WWP2: variants seen among roughly 807,000 people sequenced by gnomAD.
WWP2 encodes the protein WW domain containing E3 ubiquitin protein ligase 2, also known as NEDD4-like E3 ubiquitin-protein ligase WWP2.
Under a neutral mutation model 121.0 loss-of-function variants are expected in WWP2, and 57 were observed. The observed-to-expected ratio is 0.47, with a 90% confidence interval of 0.38 to 0.59. The LOEUF (loss-of-function observed/expected upper bound fraction) is 0.59, where lower values mean the gene tolerates loss of function less well. Among genes scored for constraint, WWP2 ranks in the 20% least tolerant of loss-of-function variants. The pLI is 0.00. For synonymous variants in WWP2, 449 were observed against 441.3 expected, an observed-to-expected ratio of 1.02 and a Z score of -0.22; for missense variants, 962 against 1,158.9, an observed-to-expected ratio of 0.83 and a Z score of 2.47.
In WWP2 at chr16:69,941,630, CTG is replaced by C. The variant is rs1352788757; in HGVS notation, c.*1692_*1693del. ...GCGTACGTGTATATAACTGAAGTGTCTGTACGGAATGCCCTTTGCTAGCCATG... is the reference window on the plus strand; with the variant it reads ...GCGTACGTGTATATAACTGAAGTGTCTACGGAATGCCCTTTGCTAGCCATG... On this transcript the variant is annotated 3_prime_UTR_variant, in exon 24 of 24. Coordinates refer to ENST00000359154, the MANE Select transcript of WWP2 (RefSeq NM_001270454.2). 1 of 153,760 alleles carries C rather than the reference CTG, an allele frequency of 6.5e-6. No homozygotes were observed. The highest frequency in any genetic ancestry group is 1.5e-5 in the Non-Finnish European group (1 of 68,056). 9.5% of individuals were successfully genotyped at this position (153,760 alleles called of 1,614,324 possible). A position where few individuals can be genotyped will look rare whatever the true frequency, so the allele number is the denominator to read the frequency against.
intron 4 of WWP2, among the ~76,000 whole-genome samples, chr16:69,832,020 G>T (rs895309976): frequency 2.0e-5 from 3 of 151,844 alleles, no homozygotes; most frequent in African/African-American, 7.3e-5. Context: ...ATAGAGGCAG[G>T]GTTTCACCAT....
intron 6 of WWP2, among the ~76,000 whole-genome samples, chr16:69,856,596 G>A (rs1342286958): frequency 6.6e-6 from 1 of 152,128 alleles, no homozygotes; most frequent in Non-Finnish European, 1.5e-5. Flanking sequence ...CCAACATGGT[G>A]AAACCACATC....
chr16:69,937,604 C>T lies in WWP2; in HGVS notation c.2295C>T (p.Ile765=), dbSNP rs767693357. Reference sequence around the variant, plus strand: ...TGAGCGACTGGCAGAAGAGCACCATCTACCGGCACTACACCAAGAACAGCA... The same window carrying T: ...TGAGCGACTGGCAGAAGAGCACCATTTACCGGCACTACACCAAGAACAGCA... The part of the protein sequence containing the change: ...IDMSDWQKST[I]YRHYTKNSKQ... Residue 765 remains isoleucine (I), a synonymous_variant, in exon 21 of 24, where the codon ATC becomes ATT. Coordinates refer to ENST00000359154, the MANE Select transcript of WWP2 (RefSeq NM_001270454.2). This position sits in a 1 kb window ranked among gnomAD's most constrained non-coding sequence, Gnocchi z 6.6. The T allele has an allele frequency of 3.7e-6, 6 of 1,614,030 alleles. No homozygotes were observed. The highest frequency in any genetic ancestry group is 4.2e-6 in the Non-Finnish European group (5 of 1,180,020).
In WWP2 at chr16:69,855,240, T is replaced by C. The variant is rs148390994; in HGVS notation, c.575+13120T>C. ...CATGTACTGGGTTTCATGAAGTTTTTCTTCACCCTTAACTTATTGAAAATA... is the reference window on the plus strand; with the variant it reads ...CATGTACTGGGTTTCATGAAGTTTTCCTTCACCCTTAACTTATTGAAAATA... On this transcript the variant is annotated intron_variant, in intron 6 of 23. Transcript: ENST00000359154. Among the ~76,000 whole-genome samples the C allele has an allele frequency of 2.6e-3, 391 of 152,378 alleles. 2 individuals are homozygous for C. The highest frequency in any genetic ancestry group is 8.9e-3 in the African/African-American group (369 of 41,596).
chr16:69,917,944 C>CGT (rs2058500764), intron 10 of WWP2, 61 bp downstream of exon 10: 4 of 1,573,506 alleles, frequency 2.5e-6, no homozygotes, highest in Non-Finnish European at 3.5e-6. Context: ...GAATGTGCAG[C>CGT]CACGTGTTCT....
At chr16:69,874,821 A>C (rs997491562) in intron 7 of WWP2, among the ~76,000 whole-genome samples, 5 of 152,170 alleles carry the variant, frequency 3.3e-5, no homozygotes, top group Non-Finnish European at 5.9e-5. Context: ...TAATGCGTTT[A>C]AGGCCCAGTG....
intron 8 of WWP2, among the ~76,000 whole-genome samples, chr16:69,901,495 C>T (rs886253519): frequency 3.3e-5 from 5 of 152,158 alleles, no homozygotes; most frequent in Non-Finnish European, 5.9e-5. Flanking sequence ...TCATTGCAAG[C>T]TCTGCCTCCC....
At chr16:69,884,688 CT>C (rs1472020643) in intron 7 of WWP2, among the ~76,000 whole-genome samples, 1 of 152,128 alleles carries the variant, frequency 6.6e-6, no homozygotes, top group South Asian at 2.1e-4. Context: ...AATCCAGTGC[CT>C]CATAAAGATT....
chr16:69,828,308 C>T (rs2056738469), intron 4 of WWP2, among the ~76,000 whole-genome samples: 1 of 152,172 alleles, frequency 6.6e-6, no homozygotes, highest in South Asian at 2.1e-4. Context: ...TGATCTTCCT[C>T]CCATCTCTCT....
chr16:69,785,989 A>G (rs1040158714), intron 1 of WWP2: 1 of 133,224 alleles, frequency 7.5e-6, no homozygotes, highest in African/African-American at 2.8e-5. Context: ...TTTTTCTTGC[A>G]TTATACTTTT....
intron 1 of WWP2, chr16:69,783,064 G>A (rs1353925470): frequency 1.4e-5 from 2 of 146,620 alleles, no homozygotes; most frequent in Admixed American, 1.4e-4. Flanking sequence ...AGGCTGGGGT[G>A]CAGCGGCGTG....
At position 69,937,627 on chromosome 16, in the gene WWP2, G is replaced by C; in HGVS notation, c.2318G>C (p.Ser773Thr). Residue 773 changes from serine to threonine, a missense_variant, in exon 21 of 24, where the codon AGC (serine) becomes ACC (threonine). Around this residue, in one of 3 missense-constraint regions of WWP2, gnomAD observed 606 missense variants for 772.6 expected, o/e 0.78. Transcript: ENST00000359154. The surrounding 1 kb of genome is among the most constrained non-coding windows in gnomAD (Gnocchi z 6.6). Reference protein sequence around the residue: ...STIYRHYTKNSKQIQWFWQVV... With the variant: ...STIYRHYTKNTKQIQWFWQVV... ...ATCTACCGGCACTACACCAAGAACA[G>C]CAAGCAGATCCAGTGGTTCTGGCAG... 1 of 1,614,014 alleles carries C rather than the reference G, an allele frequency of 6.2e-7. No individual in the cohort carries two copies.
At position 69,929,466 on chromosome 16, in the gene WWP2, G is replaced by A. The variant is rs199513055; in HGVS notation, c.1253G>A (p.Gly418Glu). ...GTGGCAGAGAAGAGACAGGACAATG[G>A]ACGGGTGTATTACGTGAACCATAAC... Reference protein sequence around the residue: ...PPGWEKRQDNGRVYYVNHNTR... With the variant: ...PPGWEKRQDNERVYYVNHNTR... Residue 418 changes from glycine to glutamate, a missense_variant, in exon 12 of 24, where the codon GGA becomes GAA. Gly to Glu is a moderately conservative substitution (Grantham distance 98). Coordinates refer to ENST00000359154, the MANE Select transcript of WWP2 (RefSeq NM_001270454.2). The A allele has an allele frequency of 3.1e-6, 5 of 1,614,134 alleles. No individual in the cohort carries two copies. Among genetic ancestry groups the A allele is most frequent in the East Asian group, 2.2e-5 (1 of 44,880 alleles).
intron 9 of WWP2, among the ~76,000 whole-genome samples, chr16:69,916,985 G>A (rs942317145): frequency 4.6e-5 from 7 of 152,156 alleles, no homozygotes; most frequent in African/African-American, 7.2e-5. Flanking sequence ...GCAACATGGC[G>A]AAACTCCATC....
intron 4 of WWP2, among the ~76,000 whole-genome samples, chr16:69,835,048 A>C (rs1301783106): frequency 2.0e-5 from 3 of 152,118 alleles, no homozygotes; most frequent in Admixed American, 2.0e-4. Flanking sequence ...GATGAGCTTG[A>C]GGGGAGCTTG....
intron 1 of WWP2, among the ~76,000 whole-genome samples, chr16:69,776,452 C>T (rs2055529249): frequency 6.6e-6 from 1 of 152,154 alleles, no homozygotes; most frequent in Non-Finnish European, 1.5e-5. Context: ...ATAATAGATG[C>T]TCAATAAATA....
intron 6 of WWP2, 46 bp downstream of exon 6, chr16:69,842,166 A>T (rs200900386): frequency 3.8e-6 from 6 of 1,570,842 alleles, no homozygotes; most frequent in African/African-American, 1.4e-5. Flanking sequence ...AGTTGCTTAG[A>T]GCTATTGAAA....
intron 10 of WWP2, among the ~76,000 whole-genome samples, chr16:69,922,548 G>A (rs947023943): frequency 6.6e-6 from 1 of 152,056 alleles, no homozygotes; most frequent in African/African-American, 2.4e-5. Context: ...GCAGAGTCCC[G>A]CTTTCCCCCA....
rs755314912 is a variant in WWP2, at chr16:69,934,083, C to T, written c.1796C>T (p.Pro599Leu). Residue 599 changes from proline (P) to leucine (L), a missense_variant, in exon 17 of 24, where the codon CCG (proline) becomes CTG (leucine). Pro to Leu is a moderately conservative substitution (Grantham distance 98, BLOSUM62 -3). Transcript: ENST00000359154. ...ATCAACCCCGCCTCCTCCATCAACC[C>T]GGACCACCTCACCTACTTTCGCTTT... Reference protein sequence around the residue: ...LQINPASSINPDHLTYFRFIG... With the variant: ...LQINPASSINLDHLTYFRFIG... The T allele has an allele frequency of 8.7e-6, 14 of 1,614,076 alleles. No individual in the cohort carries two copies. The highest frequency in any genetic ancestry group is 2.2e-5 in the East Asian group (1 of 44,900).
Sources: gnomAD v4.1 joint callset for allele counts (sites outside exome capture counted in the v4.1 genomes callset) on GRCh38, gnomAD v4.1.1 for gene constraint, gnomAD v4.1.1 regional missense constraint, Gnocchi (gnomAD v3.1) non-coding constraint, MANE v1.5 for transcripts, NCBI Gene and HGNC (gene_info 2026-07-23, HGNC 2026-07-21) for gene names.